PCDH18: variants seen among roughly 807,000 people sequenced by gnomAD.
PCDH18 encodes the protein protocadherin 18.
A neutral mutation model predicts 71.5 loss-of-function variants in PCDH18; 38 were observed. That is an observed-to-expected ratio of 0.53 (90% CI 0.41 to 0.70). The LOEUF is 0.70. PCDH18 is among the 30% of genes least tolerant of loss of function. PCDH18 has a pLI of 0.00. For synonymous variants in PCDH18, 565 were observed against 505.4 expected, an observed-to-expected ratio of 1.12 and a Z score of -1.58; for missense variants, 1,334 against 1,384.6, an observed-to-expected ratio of 0.96 and a Z score of 0.58.
At chr4:137,529,482 C>T in intron 1 of PCDH18, 120 bp downstream of exon 1, 1 of 637,566 alleles carries the variant, frequency 1.6e-6, no homozygotes, top group Non-Finnish European at 2.6e-6. Flanking sequence ...TTGTATCCTA[C>T]TTAATTTGCA....
chr4:137,532,180 A>G lies in PCDH18; in HGVS notation c.-92T>C. 1.0e-6 allele frequency: 1 copy of G among 985,890 alleles called. No homozygotes were observed. The highest frequency in any genetic ancestry group is 1.6e-6 in the Non-Finnish European group (1 of 612,306). 61.1% of individuals were successfully genotyped at this position (985,890 alleles called of 1,614,324 possible). ...TTGGCAACGTAAAGCTACATTTGGT[A>G]CTTGAAACTTGAAAGCGTCTCTTAA... On this transcript the variant is annotated 5_prime_UTR_variant, in exon 1 of 4. Transcript: ENST00000344876.
chr4:137,525,750 T>C (rs2149213462), intron 3 of PCDH18, among the ~76,000 whole-genome samples: 1 of 152,230 alleles, frequency 6.6e-6, no homozygotes, highest in Non-Finnish European at 1.5e-5. Context: ...CAGAATTGTA[T>C]CTACTATAAT....
rs1245848467 is a variant in PCDH18, at chr4:137,532,298, T to A, written c.-210A>T. 1.4e-6 allele frequency: 1 copy of A among 703,266 alleles called. No homozygotes were observed. Among genetic ancestry groups the A allele is most frequent in the Non-Finnish European group, 2.6e-6 (1 of 385,492 alleles). 43.6% of individuals were successfully genotyped at this position (703,266 alleles called of 1,614,324 possible). On this transcript the variant is annotated 5_prime_UTR_variant, in exon 1 of 4. Coordinates refer to ENST00000344876, the MANE Select transcript of PCDH18 (RefSeq NM_019035.5). Reference sequence around the variant, plus strand: ...TACCTTCGGCATGGAGTCCAGTCCTTGCGTTTGTTTGGTCGTTCGTCCTCT... The same window carrying A: ...TACCTTCGGCATGGAGTCCAGTCCTAGCGTTTGTTTGGTCGTTCGTCCTCT...
chr4:137,527,823 A>G lies in PCDH18; in HGVS notation c.2740+655T>C, dbSNP rs139168936. On this transcript the variant is annotated intron_variant, in intron 3 of 3. Transcript: ENST00000344876. ...GAATTAGAGGGAAGGAACTCCAAGG[A>G]AAACGTGGTTCGAAACTTAATAGCA... Among the ~76,000 whole-genome samples the G allele has an allele frequency of 3.5e-4, 54 of 152,318 alleles. No individual in the cohort carries two copies. The East Asian group carries it at 9.8e-3, about 28-fold the overall frequency.
Position 137,531,801 on chromosome 4 carries a change from T to C in PCDH18, c.288A>G (p.Gln96=), listed in dbSNP as rs1197778007. The C allele has an allele frequency of 8.7e-6, 14 of 1,614,078 alleles. No individual in the cohort carries two copies. The Admixed American group carries it at 2.2e-4, about 25-fold the overall frequency. The change falls in exon 1 of 4, where the codon CAA becomes CAG. Residue 96 remains glutamine, a synonymous_variant. Coordinates refer to ENST00000344876, the MANE Select transcript of PCDH18 (RefSeq NM_019035.5). The part of the protein sequence containing the change: ...ISIGATIDRE[Q]LCQKNLNCSI... ...AACAGTTCAAGTTTTTCTGGCACAG[T>C]TGTTCACGGTCAATTGTAGCCCCTA...
Position 137,530,345 on chromosome 4 carries a change from G to A in PCDH18, c.1744C>T (p.Arg582Cys), listed in dbSNP as rs200901920. 63 of 1,613,402 alleles carry A rather than the reference G, an allele frequency of 3.9e-5. No homozygotes were observed. In the East Asian group the frequency reaches 7.1e-4, roughly 18 times the overall value. ...ATGGTGATTTCTGCCGTATTATTAC[G>A]CAATGCAGGCCCTATAACCACAGGA... ...NVPVVIGPALRNNTAEITIPK... is the reference protein window; with the variant it reads ...NVPVVIGPALCNNTAEITIPK... The change falls in exon 1 of 4, where the codon CGT (arginine) becomes TGT (cysteine). Residue 582 changes from arginine to cysteine, a missense_variant. Transcript: ENST00000344876.
Position 137,530,046 on chromosome 4 carries a change from C to T in PCDH18, c.2043G>A (p.Glu681=), listed in dbSNP as rs776694113. 1.1e-5 allele frequency: 18 copies of T among 1,614,114 alleles called. No homozygotes were observed. In the South Asian group the frequency reaches 1.9e-4, roughly 17 times the overall value. ...AAGTCATTGCTGTACTTGTCACCGA[C>T]TCTGCATATTCAAAGATCATGCACT... is the stretch of plus-strand genomic sequence containing the variant. The part of the protein sequence containing the change: ...LLKCMIFEYA[E]SVTSTAMTSV... Residue 681 remains glutamate (E), a synonymous_variant, in exon 1 of 4, where the codon GAG becomes GAA. Transcript: ENST00000344876.
rs1028729219 is a variant in PCDH18 at position 137,532,457 on chromosome 4, A to T, written c.-369T>A. On this transcript the variant is annotated 5_prime_UTR_variant, in exon 1 of 4. Coordinates refer to ENST00000344876, the MANE Select transcript of PCDH18 (RefSeq NM_019035.5). ...TCTCCCTTTAGCTGCTCGGCTGCAG[A>T]CTAAACACCCGTGATTGCTGACTCC... The T allele has an allele frequency of 3.1e-6, 2 of 648,376 alleles. No individual in the cohort carries two copies. The highest frequency in any genetic ancestry group is 5.6e-6 in the Non-Finnish European group (2 of 358,956). 40.2% of individuals were successfully genotyped at this position (648,376 alleles called of 1,614,324 possible).
At position 137,529,896 on chromosome 4, in the gene PCDH18, A is replaced by G. The variant is rs1185419421; in HGVS notation, c.2193T>C (p.Thr731=). 5.6e-6 allele frequency: 9 copies of G among 1,613,828 alleles called. No individual in the cohort carries two copies. The highest frequency in any genetic ancestry group is 7.6e-6 in the Non-Finnish European group (9 of 1,179,974). The part of the protein sequence containing the change: ...ATRCNREKKD[T]RSYNCRVAES... ...CGGCCACCCTGCAGTTATAGGATCT[A>G]GTGTCTTTCTTCTCGCGGTTACACC... The change falls in exon 1 of 4, where the codon ACT becomes ACC. Residue 731 remains threonine (T), a synonymous_variant. Coordinates refer to ENST00000344876, the MANE Select transcript of PCDH18 (RefSeq NM_019035.5).
At position 137,521,371 on chromosome 4, in the gene PCDH18, G is replaced by A. The variant is rs144391842; in HGVS notation, c.3066C>T (p.Thr1022=). 0.012 allele frequency: 20,166 copies of A among 1,614,148 alleles called. 209 individuals carry two copies. The highest frequency in any genetic ancestry group is 0.041 in the Middle Eastern group (248 of 6,060). The change falls in exon 4 of 4, where the codon ACC becomes ACT. Residue 1022 remains threonine, a synonymous_variant. Transcript: ENST00000344876. ...FQRLLPPSLD[T]YSECSEVDRS... ...GATCCACCTCACTGCATTCAGAATA[G>A]GTGTCCAGGGAAGGCGGTAAGAGAC...
In PCDH18 at chr4:137,530,434, C is replaced by A. The variant is rs1395740033; in HGVS notation, c.1655G>T (p.Ser552Ile). ...TFVVEARDGG[S>I]PKQLVSNTTV... is the part of the protein sequence containing the mutation. ...GGTATTGCTTACCAGTTGCTTCGGG[C>A]TTCCTCCATCTCTTGCTTCTACCAC... The change falls in exon 1 of 4, where the codon AGC becomes ATC. Residue 552 changes from serine (S) to isoleucine (I), a missense_variant. Physicochemically the swap from Ser to Ile is moderately radical, Grantham distance 142. This residue lies in a region of PCDH18 where 1,011 missense variants were observed against 1,048.0 expected (regional missense o/e 0.96). Coordinates refer to ENST00000344876, the MANE Select transcript of PCDH18 (RefSeq NM_019035.5). 1 of 1,613,994 alleles carries A rather than the reference C, an allele frequency of 6.2e-7. No homozygotes were observed. The highest frequency in any genetic ancestry group is 1.3e-5 in the African/African-American group (1 of 74,932).
intron 1 of PCDH18, 47 bp from the exon 2 acceptor site, chr4:137,528,867 ACACT>A (rs1190237360): frequency 1.6e-6 from 2 of 1,250,506 alleles, no homozygotes; most frequent in Admixed American, 3.4e-5. Context: ...AAGCCTCCAA[ACACT>A]CACAATCTTT....
Position 137,521,257 on chromosome 4 carries a change from C to G in PCDH18, c.3180G>C (p.Thr1060=). The change falls in exon 4 of 4, where the codon ACG becomes ACC. Residue 1060 remains threonine, a synonymous_variant. Transcript: ENST00000344876. ...PQGVAAWAAS[T]HFQNPTTNCG... ...AGTTGGTGGTGGGATTTTGAAAATG[C>G]GTACTGGCTGCCCATGCCGCTACCC... The G allele has an allele frequency of 1.9e-6, 3 of 1,614,082 alleles. No individual in the cohort carries two copies. The highest frequency in any genetic ancestry group is 2.5e-6 in the Non-Finnish European group (3 of 1,179,966).
chr4:137,522,094 T>C (rs1041160381), intron 3 of PCDH18, among the ~76,000 whole-genome samples: 7 of 152,222 alleles, frequency 4.6e-5, no homozygotes, highest in African/African-American at 1.7e-4. Context: ...AATTCTTGTG[T>C]AATACATACC....
chr4:137,528,668 T>A (rs537076476), intron 2 of PCDH18, 27 bp from the exon 3 acceptor site: 8 of 1,607,708 alleles, frequency 5.0e-6, no homozygotes, highest in African/African-American at 4.0e-5. Context: ...CAAAAAAAAA[T>A]TACAGTTTTT....
chr4:137,530,982 AAT>A lies in PCDH18; in HGVS notation c.1105_1106del (p.Ile369PhefsTer2). 6.2e-7 allele frequency: 1 copy of A among 1,613,256 alleles called. No individual in the cohort carries two copies. Among genetic ancestry groups the A allele is most frequent in the Non-Finnish European group, 8.5e-7 (1 of 1,179,700 alleles). On this transcript the variant is annotated frameshift_variant, in exon 1 of 4. Coordinates refer to ENST00000344876, the MANE Select transcript of PCDH18 (RefSeq NM_019035.5). LOFTEE classifies it high-confidence loss of function. The stretch of plus-strand genomic sequence containing the variant: ...ATGTATCAATAGGATCCCCTTCAAA[AAT>A]ATAAGATATTTCTTCTTTTCCAGGG... ...MSPGKEEISY[I>X]FEGDPIDTFV...
chr4:137,521,633 G>A lies in PCDH18; in HGVS notation c.2804C>T (p.Pro935Leu), dbSNP rs761801545. ...LGHSDQCWMP[P>L]LPSPSSDYRS... ...ATAATCAGAAGACGGTGAGGGCAGT[G>A]GTGGCATCCAGCACTGGTCAGAGTG... Residue 935 changes from proline to leucine, a missense_variant, in exon 4 of 4, where the codon CCA (proline) becomes CTA (leucine). Around this residue, in one of 3 missense-constraint regions of PCDH18, gnomAD observed 319 missense variants for 316.3 expected, o/e 1.01. Coordinates refer to ENST00000344876, the MANE Select transcript of PCDH18 (RefSeq NM_019035.5). The A allele has an allele frequency of 6.2e-7, 1 of 1,612,960 alleles. No homozygotes were observed. Among genetic ancestry groups the A allele is most frequent in the East Asian group, 2.2e-5 (1 of 44,868 alleles).
intron 3 of PCDH18, among the ~76,000 whole-genome samples, chr4:137,524,350 A>C (rs1222573399): frequency 6.6e-6 from 1 of 152,138 alleles, no homozygotes; most frequent in African/African-American, 2.4e-5. Context: ...ATCCGTTATG[A>C]GTCTGCTGCA....
Position 137,519,098 on chromosome 4 carries a change from A to G in PCDH18, c.*1931T>C, listed in dbSNP as rs1211470958. ...TGAAGTTGAAAGGCAGAATGCATTT[A>G]AATATGGTTAGCGTTTGTGTGTGTA... On this transcript the variant is annotated 3_prime_UTR_variant, in exon 4 of 4. Transcript: ENST00000344876. 6.6e-6 allele frequency: 1 copy of G among 152,224 alleles called. No homozygotes were observed. Among genetic ancestry groups the G allele is most frequent in the Non-Finnish European group, 1.5e-5 (1 of 68,030 alleles). 9.4% of individuals were successfully genotyped at this position (152,224 alleles called of 1,614,324 possible).
Sources: gnomAD v4.1 joint callset for allele counts (sites outside exome capture counted in the v4.1 genomes callset) on GRCh38, gnomAD v4.1.1 for gene constraint, gnomAD v4.1.1 regional missense constraint, MANE v1.5 for transcripts, NCBI Gene and HGNC (gene_info 2026-07-23, HGNC 2026-07-21) for gene names.